The following KCNMA1 variants were observed in gnomAD, a reference collection of about 807,000 sequenced individuals.
KCNMA1 encodes Calcium-activated potassium channel subunit alpha-1.
A neutral mutation model predicts 140.0 loss-of-function variants in KCNMA1; 29 were observed. That is an observed-to-expected ratio of 0.21 (90% CI 0.15 to 0.28). The LOEUF (loss-of-function observed/expected upper bound fraction) is 0.28. Ranked by LOEUF, KCNMA1 falls within the 10% of genes least tolerant of loss-of-function variation. KCNMA1 has a pLI of 1.00. For synonymous variants in KCNMA1, 612 were observed against 611.9 expected (o/e 1.00, Z 0.00); for missense variants, 880 against 1,602.2 (o/e 0.55, Z 7.70).
intron 6 of KCNMA1, among the ~76,000 whole-genome samples, chr10:77,119,846 A>C (rs1262342677): frequency 1.3e-5 from 2 of 152,244 alleles, no homozygotes; most frequent in Non-Finnish European, 2.9e-5. Context: ...ATTTGACCTC[A>C]CAGTCACATA....
intron 13 of KCNMA1, among the ~76,000 whole-genome samples, chr10:77,078,432 A>G (rs887662770): frequency 6.6e-6 from 1 of 152,238 alleles, no homozygotes; most frequent in Non-Finnish European, 1.5e-5. Flanking sequence ...AAGTAATCAC[A>G]GGGAAACAGC....
rs978214921 is a variant in KCNMA1, at chr10:76,974,552, C to T, written c.2267-4485G>A. 4.5e-6 allele frequency: 7 copies of T among 1,548,726 alleles called. No individual in the cohort carries two copies. The East Asian group carries it at 9.8e-5, about 22-fold the overall frequency. Reference sequence around the variant, plus strand: ...GAACTCAAATGGATCTTTGGAATAGCGTGATCTAGCTGCAACCTTGACTGC... The same window carrying T: ...GAACTCAAATGGATCTTTGGAATAGTGTGATCTAGCTGCAACCTTGACTGC... On this transcript the variant is annotated intron_variant, in intron 19 of 27. Transcript: ENST00000286628.
downstream of KCNMA1, chr10:76,872,639 A>G (rs1022698758): frequency 1.3e-5 from 2 of 152,164 alleles, no homozygotes; most frequent in Admixed American, 1.3e-4. Flanking sequence ...ATTCCTACAA[A>G]TACATCATGG....
intron 13 of KCNMA1, among the ~76,000 whole-genome samples, chr10:77,077,559 G>A (rs373041268): frequency 3.0e-4 from 46 of 152,224 alleles, no homozygotes; most frequent in South Asian, 2.3e-3. Flanking sequence ...TGAAGATGCT[G>A]CATCAGCACT....
At chr10:77,615,702 G>T (rs1016910696) in intron 1 of KCNMA1, among the ~76,000 whole-genome samples, 10 of 152,044 alleles carry the variant, frequency 6.6e-5, no homozygotes, top group Admixed American at 2.0e-4. Context: ...GTGATGAGAG[G>T]CAGAGGGAAG....
chr10:77,533,420 T>A (rs2058155630), intron 1 of KCNMA1, among the ~76,000 whole-genome samples: 1 of 152,180 alleles, frequency 6.6e-6, no homozygotes, highest in Non-Finnish European at 1.5e-5. Context: ...TCATTTAACT[T>A]CTCTAGAACT....
At chr10:77,526,852 A>G (rs1298044619) in intron 1 of KCNMA1, among the ~76,000 whole-genome samples, 1 of 150,226 alleles carries the variant, frequency 6.7e-6, no homozygotes, top group African/African-American at 2.5e-5. Flanking sequence ...CCCCTCTCCA[A>G]CTTCCCATCC....
chr10:77,257,752 C>A (rs1426753566), intron 2 of KCNMA1, among the ~76,000 whole-genome samples: 1 of 152,140 alleles, frequency 6.6e-6, no homozygotes, highest in East Asian at 1.9e-4. Flanking sequence ...ATAAGTCTCA[C>A]AAGATCAGAT....
At chr10:77,052,454 A>C (rs1292525170) in intron 14 of KCNMA1, among the ~76,000 whole-genome samples, 1 of 152,024 alleles carries the variant, frequency 6.6e-6, no homozygotes, top group East Asian at 1.9e-4. Context: ...GACCCTGATG[A>C]CCAGAATGAC....
rs527915030 is a variant in KCNMA1 at position 77,034,116 on chromosome 10, C to T, written c.1859+5412G>A. On this transcript the variant is annotated intron_variant, in intron 15 of 27. Transcript: ENST00000286628. ...AAAATTAACCGGTTGTGGTGGCACA[C>T]GTCTCTAGTCCCAGCTACTTGGGAG... 3.5e-4 allele frequency among the ~76,000 whole-genome samples: 53 copies of T among 152,050 alleles called. 1 individual carries two copies. Among genetic ancestry groups the T allele is most frequent in the South Asian group, 1.0e-3 (5 of 4,812 alleles).
At chr10:77,270,991 T>C (rs2064969542) in intron 2 of KCNMA1, among the ~76,000 whole-genome samples, 1 of 152,212 alleles carries the variant, frequency 6.6e-6, no homozygotes, top group African/African-American at 2.4e-5. Flanking sequence ...AACATGTCAT[T>C]AATATTAAAA....
intron 15 of KCNMA1, among the ~76,000 whole-genome samples, chr10:77,032,750 G>A (rs1162509958): frequency 6.8e-6 from 1 of 147,272 alleles, no homozygotes. Flanking sequence ...TTTTTTTACT[G>A]CCAACATCAT....
chr10:77,166,367 G>A (rs2098642321), intron 5 of KCNMA1, among the ~76,000 whole-genome samples: 1 of 152,094 alleles, frequency 6.6e-6, no homozygotes, highest in Admixed American at 6.5e-5. Context: ...GGTGTTATAG[G>A]CAGATGCTAA....
chr10:76,929,986 G>C (rs1440251785), intron 23 of KCNMA1: 1 of 152,068 alleles, frequency 6.6e-6, no homozygotes, highest in African/African-American at 2.4e-5. Context: ...AAATCAAATG[G>C]ATTAAAGACT....
chr10:77,568,273 C>T (rs555394606), intron 1 of KCNMA1, among the ~76,000 whole-genome samples: 2 of 152,252 alleles, frequency 1.3e-5, no homozygotes, highest in Admixed American at 1.3e-4. Context: ...CTGGCAGAGA[C>T]ACAACAAAAA....
At chr10:77,304,244 C>G (rs2077160316) in intron 2 of KCNMA1, 1 of 152,192 alleles carries the variant, frequency 6.6e-6, no homozygotes, top group South Asian at 2.1e-4. Flanking sequence ...TGAGAAATGA[C>G]TGAATGTTTT....
chr10:76,992,724 C>G (rs1005661283), intron 19 of KCNMA1, among the ~76,000 whole-genome samples: 1 of 152,114 alleles, frequency 6.6e-6, no homozygotes, highest in African/African-American at 2.4e-5. Context: ...GCCACAATCA[C>G]GGATGCTGAC....
chr10:77,497,087 T>C (rs2042224940), intron 1 of KCNMA1, among the ~76,000 whole-genome samples: 1 of 152,226 alleles, frequency 6.6e-6, no homozygotes, highest in Non-Finnish European at 1.5e-5. Flanking sequence ...GAGAGCGAAC[T>C]AACCATGGGA....
intron 25 of KCNMA1, among the ~76,000 whole-genome samples, chr10:76,906,187 TG>T (rs1195708256): frequency 1.3e-5 from 2 of 149,904 alleles, no homozygotes; most frequent in Non-Finnish European, 2.9e-5. Flanking sequence ...GAGCTTAAGT[TG>T]GGGCTGGGGT....
Sources: gnomAD v4.1 joint callset for allele counts (sites outside exome capture counted in the v4.1 genomes callset) on GRCh38, gnomAD v4.1.1 for gene constraint, MANE v1.5 for transcripts, NCBI Gene and HGNC (gene_info 2026-07-23, HGNC 2026-07-21) for gene names.